The following ETV1 variants were observed in gnomAD, a reference collection of about 807,000 sequenced individuals.
ETV1 encodes the protein ETS variant transcription factor 1.
A neutral mutation model predicts 62.3 loss-of-function variants in ETV1; 27 were observed. The ratio of observed to expected loss-of-function variants is 0.43; its 90% CI spans 0.32 to 0.60. ETV1 has a LOEUF of 0.60. Ranked by LOEUF, ETV1 falls within the 20% of genes least tolerant of loss-of-function variation. The pLI is 0.06. For synonymous variants in ETV1, 222 were observed against 199.6 expected, an observed-to-expected ratio of 1.11 and a Z score of -0.94; for missense variants, 605 against 605.8, an observed-to-expected ratio of 1.00 and a Z score of 0.01.
intron 6 of ETV1, among the ~76,000 whole-genome samples, chr7:13,967,148 T>C (rs552657732): frequency 6.6e-6 from 1 of 152,242 alleles, no homozygotes; most frequent in East Asian, 1.9e-4. Flanking sequence ...CAAAATATAA[T>C]CATTCCAATT....
intron 8 of ETV1, among the ~76,000 whole-genome samples, chr7:13,933,512 G>GGGCT (rs1250955541): frequency 1.3e-5 from 2 of 152,182 alleles, no homozygotes; most frequent in Non-Finnish European, 2.9e-5. Flanking sequence ...AAGTGCCAAA[G>GGGCT]GGCTGGCCCC....
chr7:13,963,134 C>T (rs1790385123), intron 6 of ETV1, among the ~76,000 whole-genome samples: 1 of 152,062 alleles, frequency 6.6e-6, no homozygotes. Context: ...CTGTGAGAAT[C>T]AAATGAGATA....
chr7:13,987,388 C>G (rs1255609042), intron 4 of ETV1, among the ~76,000 whole-genome samples: 1 of 152,068 alleles, frequency 6.6e-6, no homozygotes, highest in African/African-American at 2.4e-5. Flanking sequence ...AAATTGCCAA[C>G]TAAACTTTGA....
intron 6 of ETV1, among the ~76,000 whole-genome samples, chr7:13,976,533 A>C (rs2128499942): frequency 6.6e-6 from 1 of 152,328 alleles, no homozygotes; most frequent in Admixed American, 6.5e-5. Flanking sequence ...CTGTTACTTG[A>C]AGTAATGCAG....
intron 8 of ETV1, among the ~76,000 whole-genome samples, chr7:13,932,768 G>A (rs568320665): frequency 7.1e-4 from 108 of 152,256 alleles, no homozygotes; most frequent in Non-Finnish European, 1.2e-3. Context: ...ACATTTCTAT[G>A]AGCAAATATA....
chr7:13,970,263 AACACACACACAC>A lies in ETV1; in HGVS notation c.235+7152_235+7163del, dbSNP rs71033966. On this transcript the variant is annotated intron_variant, in intron 6 of 13. Coordinates refer to ENST00000430479, the MANE Select transcript of ETV1 (RefSeq NM_004956.5). ...GCGACAGAGCGAGACCCCATCTCAA[AACACACACACAC>A]ACACACACACACACACACACACACA... 9.9e-3 allele frequency among the ~76,000 whole-genome samples: 1,251 copies of A among 126,556 alleles called. 16 individuals are homozygous for A. Among genetic ancestry groups the A allele is most frequent in the African/African-American group, 0.024 (752 of 31,736 alleles). The allele number at this position is 126,556 out of a possible 152,430, so 83.0% of individuals were successfully genotyped here.
At chr7:13,984,928 T>C (rs55689332) in intron 5 of ETV1, among the ~76,000 whole-genome samples, 2 of 67,872 alleles carry the variant, frequency 2.9e-5, no homozygotes, top group Admixed American at 3.3e-4. Flanking sequence ...AAGTCAAAAG[T>C]TAAAAAAAAA....
intron 6 of ETV1, among the ~76,000 whole-genome samples, chr7:13,973,586 T>C (rs1465976420): frequency 6.6e-6 from 1 of 152,210 alleles, no homozygotes; most frequent in African/African-American, 2.4e-5. Flanking sequence ...AGCTGGTTAT[T>C]ATGATCTAAA....
rs767736816 is a variant in ETV1 at position 13,909,678 on chromosome 7, G to A, written c.894C>T (p.Pro298=). Reference sequence around the variant, plus strand: ...CACAGGTGTCATCATAAAACTGCCTGGGGCCCTTTTCAAACATACAGCCTG... The same window carrying A: ...CACAGGTGTCATCATAAAACTGCCTAGGGCCCTTTTCAAACATACAGCCTG... ...RTEGCMFEKG[P]RQFYDDTCVV... Residue 298 remains proline, a synonymous_variant, in exon 11 of 14, where the codon CCC becomes CCT. Coordinates refer to ENST00000430479, the MANE Select transcript of ETV1 (RefSeq NM_004956.5). 1.9e-6 allele frequency: 3 copies of A among 1,613,242 alleles called. No individual in the cohort carries two copies. The highest frequency in any genetic ancestry group is 2.5e-6 in the Non-Finnish European group (3 of 1,179,338).
At chr7:13,952,901 TA>T (rs1293546601) in intron 6 of ETV1, among the ~76,000 whole-genome samples, 3 of 152,198 alleles carry the variant, frequency 2.0e-5, no homozygotes, top group Non-Finnish European at 4.4e-5. Flanking sequence ...ACTTCAGCAG[TA>T]GTGGTACTAA....
chr7:13,952,978 T>C (rs1256894129), intron 6 of ETV1, among the ~76,000 whole-genome samples: 5 of 152,146 alleles, frequency 3.3e-5, no homozygotes, highest in Non-Finnish European at 7.4e-5. Flanking sequence ...GGTTCTTCCA[T>C]CTGGAAAAAG....
intron 6 of ETV1, chr7:13,958,833 A>G (rs1789806964): frequency 1.3e-5 from 2 of 152,212 alleles, no homozygotes; most frequent in African/African-American, 2.4e-5. Context: ...AGATATTTAT[A>G]AAGTGTTTAG....
intron 6 of ETV1, among the ~76,000 whole-genome samples, chr7:13,969,501 TTTATTTTACAATTAAG>T (rs1780653816): frequency 6.6e-6 from 1 of 152,190 alleles, no homozygotes; most frequent in African/African-American, 2.4e-5. Flanking sequence ...TACTGCTGTC[TTTATTTTACAATTAAG>T]TATATGAGAA....
intron 7 of ETV1, among the ~76,000 whole-genome samples, chr7:13,937,208 T>G (rs77089697): frequency 0.28 from 42,307 of 152,168 alleles, 6,931 homozygotes; most frequent in East Asian, 0.4. Flanking sequence ...AGTAAAGGAA[T>G]ATATGCTGCA....
rs994117127 is a variant in ETV1, at chr7:13,939,063, CTT to C, written c.365+52_365+53del. On this transcript the variant is annotated intron_variant, in intron 7 of 13. Coordinates refer to ENST00000430479, the MANE Select transcript of ETV1 (RefSeq NM_004956.5). ...ACTTGAGATTTCATATTATTCTGGA[CTT>C]TTTGATTCAATAAGAACCACTATCC... 4 of 1,552,606 alleles carry C rather than the reference CTT, an allele frequency of 2.6e-6. No individual in the cohort carries two copies. The Admixed American group carries it at 8.3e-5, about 32-fold the overall frequency.
At chr7:13,919,369 C>G (rs181446049) in intron 9 of ETV1, among the ~76,000 whole-genome samples, 5 of 150,476 alleles carry the variant, frequency 3.3e-5, no homozygotes, top group African/African-American at 1.2e-4. Flanking sequence ...GTGAAATGTA[C>G]AGACCCACAT....
chr7:13,986,882 T>A (rs1782597508), intron 4 of ETV1, 197 bp from the exon 5 acceptor site: 2 of 514,696 alleles, frequency 3.9e-6, no homozygotes, highest in Non-Finnish European at 6.8e-6. Context: ...AAGCAACTCT[T>A]TAAGAAATTA....
At chr7:13,897,350 C>A (rs1781955217) in intron 13 of ETV1, among the ~76,000 whole-genome samples, 1 of 152,142 alleles carries the variant, frequency 6.6e-6, no homozygotes, top group Non-Finnish European at 1.5e-5. Context: ...ATTGTTATAT[C>A]TTTGAGGGAA....
At chr7:13,938,750 C>G (rs1787108768) in intron 7 of ETV1, among the ~76,000 whole-genome samples, 1 of 152,220 alleles carries the variant, frequency 6.6e-6, no homozygotes, top group Non-Finnish European at 1.5e-5. Flanking sequence ...TAATGTACTG[C>G]TCAGACCTGC....
Sources: gnomAD v4.1 joint callset for allele counts (sites outside exome capture counted in the v4.1 genomes callset) on GRCh38, gnomAD v4.1.1 for gene constraint, MANE v1.5 for transcripts, NCBI Gene and HGNC (gene_info 2026-07-23, HGNC 2026-07-21) for gene names.